RBPMS: variants seen among roughly 807,000 people sequenced by gnomAD.
RBPMS encodes the protein RNA-binding protein with multiple splicing.
RBPMS carries 7 observed loss-of-function variants against 26.8 expected under a neutral mutation model. The observed-to-expected ratio is 0.26, with a 90% CI of 0.15 to 0.49. RBPMS has a LOEUF of 0.49. Ranked by LOEUF, RBPMS falls within the 20% of genes least tolerant of loss-of-function variation. RBPMS has a pLI of 0.98. For missense variants in RBPMS, 186 were observed against 250.0 expected (o/e 0.74, Z 1.73); for synonymous variants, 96 against 93.3 (o/e 1.03, Z -0.17).
intron 4 of RBPMS, among the ~76,000 whole-genome samples, chr8:30,498,777 A>G (rs186081014): frequency 6.6e-6 from 1 of 152,354 alleles, no homozygotes; most frequent in Admixed American, 6.5e-5. Context: ...GGAGTTACAC[A>G]TAGGCAAAGG....
chr8:30,515,164 G>T (rs1310612284), intron 5 of RBPMS, among the ~76,000 whole-genome samples: 1 of 151,990 alleles, frequency 6.6e-6, no homozygotes, highest in African/African-American at 2.4e-5. Flanking sequence ...TACAGATGGG[G>T]TCTTGCTTTG....
At chr8:30,542,101 A>T (rs1222675118) in intron 5 of RBPMS, among the ~76,000 whole-genome samples, 1 of 152,212 alleles carries the variant, frequency 6.6e-6, no homozygotes, top group African/African-American at 2.4e-5. Flanking sequence ...GGATTTATCA[A>T]GTGTAAGTTC....
chr8:30,566,781 A>T (rs1336344433), intron 8 of RBPMS, among the ~76,000 whole-genome samples: 1 of 152,128 alleles, frequency 6.6e-6, no homozygotes, highest in Non-Finnish European at 1.5e-5. Flanking sequence ...CCCCCATCTT[A>T]TTAATCCAGT....
At chr8:30,549,711 C>G (rs1437565112) in intron 6 of RBPMS, 1 of 640,458 alleles carries the variant, frequency 1.6e-6, no homozygotes, top group African/African-American at 1.9e-5. Flanking sequence ...CTTTCCCAGG[C>G]CCTTCCTGGA....
intron 6 of RBPMS, chr8:30,545,356 C>A: frequency 1.7e-6 from 2 of 1,147,446 alleles, no homozygotes; most frequent in South Asian, 3.9e-5. Flanking sequence ...AAATATTTCT[C>A]TTAGCTTCGC....
chr8:30,392,686 G>C (rs1807922473), intron 1 of RBPMS, among the ~76,000 whole-genome samples: 1 of 152,238 alleles, frequency 6.6e-6, no homozygotes, highest in Admixed American at 6.5e-5. Context: ...GATGCCAGGT[G>C]TTCAGGGCCT....
chr8:30,564,311 G>T (rs192244387), intron 7 of RBPMS: 2 of 152,200 alleles, frequency 1.3e-5, no homozygotes, highest in Non-Finnish European at 2.9e-5. Context: ...TGGCTCCCAC[G>T]CAGCACTAAG....
chr8:30,467,577 TTGAC>T (rs963171271), intron 1 of RBPMS, among the ~76,000 whole-genome samples: 2 of 151,714 alleles, frequency 1.3e-5, no homozygotes, highest in Non-Finnish European at 2.9e-5. Flanking sequence ...GAATACCCCT[TTGAC>T]TGAAACCAGG....
intron 1 of RBPMS, among the ~76,000 whole-genome samples, chr8:30,412,146 C>T (rs1377911085): frequency 6.6e-6 from 1 of 152,220 alleles, no homozygotes; most frequent in Non-Finnish European, 1.5e-5. Flanking sequence ...CCTTACACAC[C>T]TTGCTATAAT....
chr8:30,447,514 A>G (rs4733488), intron 1 of RBPMS, among the ~76,000 whole-genome samples: 13,510 of 152,228 alleles, frequency 0.089, 1,926 homozygotes, highest in African/African-American at 0.3. Context: ...GCTGGGTTCT[A>G]TAAATCACCA....
chr8:30,543,277 G>T (rs1383089119), intron 5 of RBPMS, among the ~76,000 whole-genome samples: 1 of 152,150 alleles, frequency 6.6e-6, no homozygotes, highest in Middle Eastern at 3.2e-3. Context: ...TTCTGGTTTC[G>T]CCATAGAGCA....
chr8:30,413,146 T>G (rs538558573), intron 1 of RBPMS, among the ~76,000 whole-genome samples: 1 of 152,354 alleles, frequency 6.6e-6, no homozygotes, highest in East Asian at 1.9e-4. Flanking sequence ...TGGCACCATC[T>G]TGGCTCACTG....
intron 1 of RBPMS, among the ~76,000 whole-genome samples, chr8:30,458,646 A>G (rs13248936): frequency 0.47 from 70,800 of 152,060 alleles, 16,534 homozygotes; most frequent in Middle Eastern, 0.59. Context: ...GTTGCACATC[A>G]GTAATTCTGT....
In RBPMS at chr8:30,503,721, T is replaced by A. The variant is rs541076225; in HGVS notation, c.247-565T>A. Among the ~76,000 whole-genome samples the A allele has an allele frequency of 2.0e-5, 3 of 152,206 alleles. No individual in the cohort carries two copies. The South Asian group carries it at 6.2e-4, about 32-fold the overall frequency. ...TCCAGTCCCTTTCCAGACCACACCA[T>A]GAAAACATGGGAACTGAGTGGGTCC... On this transcript the variant is annotated intron_variant, in intron 4 of 8. Coordinates refer to ENST00000397323, the MANE Select transcript of RBPMS (RefSeq NM_001008710.3).
chr8:30,562,369 G>A (rs944360814), intron 7 of RBPMS, among the ~76,000 whole-genome samples: 12 of 151,452 alleles, frequency 7.9e-5, no homozygotes, highest in Non-Finnish European at 1.3e-4. Context: ...TCCCGTGGAT[G>A]AATCATTTGT....
intron 1 of RBPMS, among the ~76,000 whole-genome samples, chr8:30,413,001 C>T (rs190282235): frequency 5.0e-4 from 76 of 152,320 alleles, no homozygotes; most frequent in Middle Eastern, 3.4e-3. Context: ...AAAGATGGGG[C>T]CACTGAAGTC....
At chr8:30,508,850 G>A (rs1168708567) in intron 5 of RBPMS, among the ~76,000 whole-genome samples, 2 of 152,090 alleles carry the variant, frequency 1.3e-5, no homozygotes, top group African/African-American at 4.8e-5. Context: ...TGTTCTTGAT[G>A]AGTTTATACT....
At chr8:30,460,810 A>C (rs1032944136) in intron 1 of RBPMS, among the ~76,000 whole-genome samples, 1 of 152,182 alleles carries the variant, frequency 6.6e-6, no homozygotes, top group African/African-American at 2.4e-5. Context: ...TAATCCCAGC[A>C]CTTTGGGAGG....
intron 1 of RBPMS, among the ~76,000 whole-genome samples, chr8:30,459,447 C>T (rs1276506453): frequency 6.6e-6 from 1 of 152,092 alleles, no homozygotes; most frequent in Non-Finnish European, 1.5e-5. Flanking sequence ...TTACATGAAA[C>T]ATAAATAGAT....
Sources: allele counts gnomAD v4.1 joint callset (sites outside exome capture counted in the v4.1 genomes callset), GRCh38; gene constraint gnomAD v4.1.1; transcripts MANE v1.5; gene names NCBI Gene and HGNC (gene_info 2026-07-23, HGNC 2026-07-21).